The following KHDRBS2 variants were observed in gnomAD, a reference collection of about 807,000 sequenced individuals.
The protein encoded by KHDRBS2 is KH domain-containing, RNA-binding, signal transduction-associated protein 2.
In KHDRBS2, 26 loss-of-function variants were observed where a neutral mutation model predicts 44.3. The ratio of observed to expected loss-of-function variants is 0.59; its 90% CI spans 0.43 to 0.81. The LOEUF (loss-of-function observed/expected upper bound fraction) is 0.81. Ranked by LOEUF, KHDRBS2 falls within the 40% of genes least tolerant of loss-of-function variation. The probability of loss-of-function intolerance (pLI) is 0.00; values close to 1 mark genes in which losing one functional copy is unlikely to be tolerated. For synonymous variants in KHDRBS2, 194 were observed against 151.1 expected, an observed-to-expected ratio of 1.28 and a Z score of -2.08; for missense variants, 476 against 433.1, an observed-to-expected ratio of 1.10 and a Z score of -0.88.
intron 3 of KHDRBS2, among the ~76,000 whole-genome samples, chr6:62,007,315 C>T (rs1779427386): frequency 6.6e-6 from 1 of 151,868 alleles, no homozygotes; most frequent in Admixed American, 6.6e-5. Flanking sequence ...AGTAAAGGTC[C>T]AGTTCTGAGG....
intron 6 of KHDRBS2, 99 bp downstream of exon 6, chr6:61,894,536 A>G: frequency 1.1e-6 from 1 of 923,250 alleles, no homozygotes; most frequent in Non-Finnish European, 1.6e-6. Context: ...TGCAACAAAC[A>G]TTACCTGCTA....
intron 6 of KHDRBS2, among the ~76,000 whole-genome samples, chr6:61,780,157 C>G: frequency 6.6e-6 from 1 of 152,264 alleles, no homozygotes; most frequent in South Asian, 2.1e-4. Context: ...TTAAACTATT[C>G]TTTTTAATTT....
At chr6:62,063,854 A>G (rs1792765014) in intron 2 of KHDRBS2, among the ~76,000 whole-genome samples, 1 of 136,142 alleles carries the variant, frequency 7.3e-6, no homozygotes. Context: ...CTGTTTGCAG[A>G]TGACATGATT....
chr6:61,558,407 A>G, the KHDRBS2 span, among the ~76,000 whole-genome samples: 1 of 152,012 alleles, frequency 6.6e-6, no homozygotes, highest in African/African-American at 2.4e-5. Flanking sequence ...AAAAACTACA[A>G]AAAATTTAGC....
At chr6:61,714,373 TAA>T (rs1475534242) in intron 7 of KHDRBS2, among the ~76,000 whole-genome samples, 1 of 151,884 alleles carries the variant, frequency 6.6e-6, no homozygotes, top group African/African-American at 2.4e-5. Context: ...TGGCTGTTAT[TAA>T]AAAGTCAAAA....
At chr6:61,584,308 C>T in the KHDRBS2 span, among the ~76,000 whole-genome samples, 12 of 151,820 alleles carry the variant, frequency 7.9e-5, no homozygotes, top group South Asian at 2.1e-4. Context: ...AAAAAGAAAG[C>T]GTTTAATATT....
intron 4 of KHDRBS2, among the ~76,000 whole-genome samples, chr6:61,958,572 T>C (rs540058452): frequency 6.6e-6 from 1 of 152,302 alleles, no homozygotes; most frequent in Admixed American, 6.5e-5. Context: ...CAGTGATCCA[T>C]TGTAATCATC....
intron 2 of KHDRBS2, among the ~76,000 whole-genome samples, chr6:62,096,266 G>T (rs544672175): frequency 9.8e-4 from 149 of 151,902 alleles, no homozygotes; most frequent in East Asian, 1.4e-3. Context: ...TCAGTTTTTT[G>T]TTGTTGTTGT....
At chr6:61,743,533 C>T (rs1247646818) in intron 6 of KHDRBS2, among the ~76,000 whole-genome samples, 1 of 151,758 alleles carries the variant, frequency 6.6e-6, no homozygotes, top group African/African-American at 2.4e-5. Context: ...GGGATTTTAC[C>T]TGTTAAAACA....
chr6:61,787,398 A>T (rs1012567419), intron 6 of KHDRBS2, among the ~76,000 whole-genome samples: 9 of 151,734 alleles, frequency 5.9e-5, no homozygotes, highest in Non-Finnish European at 1.3e-4. Flanking sequence ...ATTTCTGAGG[A>T]TATTATATGA....
At chr6:62,069,718 A>G (rs746602403) in intron 2 of KHDRBS2, among the ~76,000 whole-genome samples, 13 of 151,852 alleles carry the variant, frequency 8.6e-5, no homozygotes, top group Non-Finnish European at 1.3e-4. Flanking sequence ...TGCAATAGCA[A>G]CAAGGAGATG....
At chr6:61,615,506 T>C in the KHDRBS2 span, among the ~76,000 whole-genome samples, 1 of 152,174 alleles carries the variant, frequency 6.6e-6, no homozygotes, top group East Asian at 1.9e-4. Context: ...AGTAGTGTTA[T>C]TTCTTTTTTA....
In KHDRBS2 at chr6:61,706,792, C is replaced by T. The variant is rs1412740047; in HGVS notation, c.894-9539G>A. Among the ~76,000 whole-genome samples the T allele has an allele frequency of 2.0e-5, 3 of 151,722 alleles. No individual in the cohort carries two copies. The East Asian group carries it at 5.8e-4, about 29-fold the overall frequency. ...TGTGAATGTTTTCAACCTACTTTAT[C>T]TCAGTTTATGTGACAAAATTTATTT... is the stretch of plus-strand genomic sequence containing the variant. On this transcript the variant is annotated intron_variant, in intron 7 of 8. Transcript: ENST00000281156.
chr6:61,599,159 C>CAGGAGT, the KHDRBS2 span, among the ~76,000 whole-genome samples: 7 of 152,022 alleles, frequency 4.6e-5, no homozygotes, highest in African/African-American at 1.7e-4. Flanking sequence ...TGGTCTCGAA[C>CAGGAGT]TCCTGACCTT....
At chr6:62,140,643 G>T (rs1035291364) in intron 2 of KHDRBS2, among the ~76,000 whole-genome samples, 1 of 152,154 alleles carries the variant, frequency 6.6e-6, no homozygotes, top group Admixed American at 6.5e-5. Context: ...TTTTGGGACA[G>T]ATTCTAAAAG....
At chr6:61,569,922 A>G in the KHDRBS2 span, among the ~76,000 whole-genome samples, 15 of 152,186 alleles carry the variant, frequency 9.9e-5, no homozygotes, top group Admixed American at 9.2e-4. Context: ...AAGAATATGA[A>G]CAGCAGGCCT....
chr6:61,734,303 C>A (rs1233085497), intron 6 of KHDRBS2, among the ~76,000 whole-genome samples: 1 of 151,926 alleles, frequency 6.6e-6, no homozygotes, highest in Non-Finnish European at 1.5e-5. Context: ...GTTCAATGTT[C>A]TAAAGTTAAT....
intron 6 of KHDRBS2, among the ~76,000 whole-genome samples, chr6:61,771,883 C>T (rs557254404): frequency 2.4e-4 from 36 of 152,270 alleles, no homozygotes; most frequent in African/African-American, 8.4e-4. Context: ...ACAGAATATA[C>T]ATTCTTTTCA....
rs113266970 is a variant in KHDRBS2, at chr6:62,046,971, A to G, written c.336+907T>C. On this transcript the variant is annotated intron_variant, in intron 3 of 8. Transcript: ENST00000281156. The stretch of plus-strand genomic sequence containing the variant: ...TTACTACAGTAAAGATACTTTATGT[A>G]TGATATATTCACCAGTTCAGTGACA... Among the ~76,000 whole-genome samples, 7 of 152,074 alleles carry G rather than the reference A, an allele frequency of 4.6e-5. 1 individual carries two copies. Among genetic ancestry groups the G allele is most frequent in the Admixed American group, 2.6e-4 (4 of 15,250 alleles).
Sources: allele counts gnomAD v4.1 joint callset (sites outside exome capture counted in the v4.1 genomes callset), GRCh38; gene constraint gnomAD v4.1.1; transcripts MANE v1.5; gene names NCBI Gene and HGNC (gene_info 2026-07-23, HGNC 2026-07-21).